Variants in INPPL1 observed in about 807,000 individuals in gnomAD.
INPPL1 encodes phosphatidylinositol 3,4,5-trisphosphate 5-phosphatase 2.
INPPL1 carries 91 observed loss-of-function variants against 139.3 expected under a neutral mutation model. The ratio of observed to expected loss-of-function variants is 0.65; its 90% CI spans 0.55 to 0.78. The LOEUF is 0.78. INPPL1 is among the 30% of genes least tolerant of loss of function. The pLI, the probability that INPPL1 is intolerant of heterozygous loss-of-function variation, is 0.00. For synonymous variants in INPPL1, 719 were observed against 686.6 expected, an observed-to-expected ratio of 1.05 and a Z score of -0.74; for missense variants, 1,411 against 1,665.6, an observed-to-expected ratio of 0.85 and a Z score of 2.66.
chr11:72,234,763 G>A lies in INPPL1; in HGVS notation c.2415+148G>A, dbSNP rs1948938152. The A allele has an allele frequency of 4.8e-6, 3 of 625,220 alleles. No individual in the cohort carries two copies. Among genetic ancestry groups the A allele is most frequent in the Admixed American group, 2.8e-5 (1 of 35,094 alleles). 38.7% of individuals were successfully genotyped at this position (625,220 alleles called of 1,614,324 possible). The stretch of plus-strand genomic sequence containing the variant: ...TGTGTGTGTGTGTGTGTGTGTGTGT[G>A]TATGGGCATGGGCATGAGTGAGGAT... On this transcript the variant is annotated intron_variant, in intron 21 of 27. Coordinates refer to ENST00000298229, the MANE Select transcript of INPPL1 (RefSeq NM_001567.4). This position sits in a 1 kb window ranked among gnomAD's most constrained non-coding sequence, Gnocchi z 4.2.
chr11:72,227,153 A>G (rs1253119483), intron 1 of INPPL1, among the ~76,000 whole-genome samples: 6 of 152,202 alleles, frequency 3.9e-5, no homozygotes, highest in Admixed American at 2.0e-4. Flanking sequence ...GGCACAGGCA[A>G]TCTGACCAGC....
chr11:72,229,633 A>G (rs1162404023), intron 6 of INPPL1, 30 bp from the exon 7 acceptor site: 3 of 1,612,780 alleles, frequency 1.9e-6, no homozygotes, highest in Non-Finnish European at 2.5e-6. Flanking sequence ...TAGGTGACTC[A>G]TGTACAAGCC....
Position 72,231,183 on chromosome 11 carries a change from C to T in INPPL1, c.1491C>T (p.Tyr497=). The change falls in exon 12 of 28, where the codon TAC becomes TAT. Residue 497 remains tyrosine (Y), a synonymous_variant. Transcript: ENST00000298229. The part of the protein sequence containing the change: ...GGLKELTDLD[Y]RPIAMQSLWN... ...TCAAGGAGCTTACGGATCTGGATTA[C>T]CGCCCGGTGAGGGGGGGTCATCTTG... 6.2e-7 allele frequency: 1 copy of T among 1,610,944 alleles called. No individual in the cohort carries two copies. The highest frequency in any genetic ancestry group is 8.5e-7 in the Non-Finnish European group (1 of 1,179,322).
chr11:72,233,125 C>T lies in INPPL1; in HGVS notation c.2002C>T (p.Arg668Trp), dbSNP rs148045527. The T allele has an allele frequency of 1.2e-5, 19 of 1,613,882 alleles. No individual in the cohort carries two copies. Among genetic ancestry groups the T allele is most frequent in the Admixed American group, 5.0e-5 (3 of 59,980 alleles). The change falls in exon 17 of 28, where the codon CGG (arginine) becomes TGG (tryptophan). Residue 668 changes from arginine to tryptophan, a missense_variant. Coordinates refer to ENST00000298229, the MANE Select transcript of INPPL1 (RefSeq NM_001567.4). ...PPTYRYERGSRDTYAWHKQKP... is the reference protein window; with the variant it reads ...PPTYRYERGSWDTYAWHKQKP... Reference sequence around the variant, plus strand: ...CACCTACCGCTATGAGCGGGGTTCCCGGGACACATATGCCTGGCACAAGCA... The same window carrying T: ...CACCTACCGCTATGAGCGGGGTTCCTGGGACACATATGCCTGGCACAAGCA...
At chr11:72,227,010 T>C (rs1264152559) in intron 1 of INPPL1, among the ~76,000 whole-genome samples, 1 of 152,086 alleles carries the variant, frequency 6.6e-6, no homozygotes, top group South Asian at 2.1e-4. Context: ...CTCAAGAGCC[T>C]GGGGGTAAGG....
rs746849326 is a variant in INPPL1 at position 72,228,828 on chromosome 11, A to C, written c.499A>C (p.Thr167Pro). ...SSPLPAPETP[T>P]APAAESAPNG... ...TCCCCTGCCAGCTCCTGAGACTCCCACAGCTCCAGCTGCTGAGAGGTGAGA... is the reference window on the plus strand; with the variant it reads ...TCCCCTGCCAGCTCCTGAGACTCCCCCAGCTCCAGCTGCTGAGAGGTGAGA... Residue 167 changes from threonine (T) to proline (P), a missense_variant, in exon 4 of 28, where the codon ACA (threonine) becomes CCA (proline). Thr to Pro is a conservative substitution (Grantham distance 38, BLOSUM62 -1). Transcript: ENST00000298229. This position sits in a 1 kb window ranked among gnomAD's most constrained non-coding sequence, Gnocchi z 5.0. 6.2e-7 allele frequency: 1 copy of C among 1,610,710 alleles called. No individual in the cohort carries two copies. Among genetic ancestry groups the C allele is most frequent in the Admixed American group, 1.7e-5 (1 of 59,482 alleles).
chr11:72,234,449 G>T lies in INPPL1; in HGVS notation c.2326+55G>T. 1 of 1,590,868 alleles carries T rather than the reference G, an allele frequency of 6.3e-7. No individual in the cohort carries two copies. The highest frequency in any genetic ancestry group is 8.6e-7 in the Non-Finnish European group (1 of 1,158,976). On this transcript the variant is annotated intron_variant, in intron 20 of 27. Transcript: ENST00000298229. This position sits in a 1 kb window ranked among gnomAD's most constrained non-coding sequence, Gnocchi z 4.2. ...GCCAAGGAGGATGGGAGGCAAGAGG[G>T]TGCAGTCAGCCCCCTACTTAGGGGG...
At position 72,224,870 on chromosome 11, in the gene INPPL1, G is replaced by C; in HGVS notation, c.-115G>C. On this transcript the variant is annotated 5_prime_UTR_variant, in exon 1 of 28. Transcript: ENST00000298229. ...TGAGTCCCGATCCCCGGCTCTGTCC[G>C]GCCCACGGATCCTCAAGCCCGGGCC... 1.4e-6 allele frequency: 1 copy of C among 713,722 alleles called. No homozygotes were observed. The highest frequency in any genetic ancestry group is 1.7e-6 in the Non-Finnish European group (1 of 573,438). 44.2% of individuals were successfully genotyped at this position (713,722 alleles called of 1,614,324 possible). A position where few individuals can be genotyped will look rare whatever the true frequency, so the allele number is the denominator to read the frequency against.
chr11:72,238,231 C>T, intron 27 of INPPL1, 32 bp from the exon 28 acceptor site: 2 of 1,613,654 alleles, frequency 1.2e-6, no homozygotes, highest in Non-Finnish European at 1.7e-6. Flanking sequence ...TCCCCTTGCC[C>T]ATCTCACTTC....
chr11:72,236,018 TC>T, intron 25 of INPPL1, 32 bp downstream of exon 25: 1 of 1,220,804 alleles, frequency 8.2e-7, no homozygotes, highest in Non-Finnish European at 1.2e-6. Flanking sequence ...CGCCCCCCCT[TC>T]CCCCACCCAC....
rs759953630 is a variant in INPPL1, at chr11:72,231,106, C to A, written c.1414C>A (p.Gln472Lys). Reference sequence around the variant, plus strand: ...CCATGACATCTATGTCTTTGGGACCCAGGAGAACTCAGTGGGCGACCGCGA... The same window carrying A: ...CCATGACATCTATGTCTTTGGGACCAAGGAGAACTCAGTGGGCGACCGCGA... ...IPHDIYVFGTQENSVGDREWL... is the reference protein window; with the variant it reads ...IPHDIYVFGTKENSVGDREWL... The change falls in exon 12 of 28, where the codon CAG becomes AAG. Residue 472 changes from glutamine (Q) to lysine (K), a missense_variant. Physicochemically the swap from Gln to Lys is moderately conservative, Grantham distance 53 (BLOSUM62 1). Coordinates refer to ENST00000298229, the MANE Select transcript of INPPL1 (RefSeq NM_001567.4). The A allele has an allele frequency of 6.2e-7, 1 of 1,613,982 alleles. No homozygotes were observed. Among genetic ancestry groups the A allele is most frequent in the South Asian group, 1.1e-5 (1 of 91,074 alleles).
upstream of INPPL1, among the ~76,000 whole-genome samples, chr11:72,224,434 C>T (rs1412815833): frequency 6.6e-6 from 1 of 150,578 alleles, no homozygotes; most frequent in African/African-American, 2.5e-5. Context: ...GGAATCAGAC[C>T]TTTATGGGGC....
At position 72,237,293 on chromosome 11, in the gene INPPL1, G is replaced by A. The variant is rs778573534; in HGVS notation, c.3049G>A (p.Val1017Met). The change falls in exon 26 of 28, where the codon GTG (valine) becomes ATG (methionine). Residue 1017 changes from valine to methionine, a missense_variant. This residue lies in a region of INPPL1 where 438 missense variants were observed against 425.7 expected (regional missense o/e 1.03). Transcript: ENST00000298229. ...APVPSATKNK[V>M]AITVPAPQLG... Reference sequence around the variant, plus strand: ...TGTCCCATCTGCCACCAAGAACAAAGTGGCCATTACAGTGCCTGCTCCACA... The same window carrying A: ...TGTCCCATCTGCCACCAAGAACAAAATGGCCATTACAGTGCCTGCTCCACA... The A allele has an allele frequency of 6.2e-7, 1 of 1,613,990 alleles. No individual in the cohort carries two copies. Among genetic ancestry groups the A allele is most frequent in the South Asian group, 1.1e-5 (1 of 91,078 alleles).
At position 72,238,968 on chromosome 11, in the gene INPPL1, T is replaced by G. The variant is rs70940824; in HGVS notation, c.*615T>G. ...TGTCTCCTGGTCTGTGCTGCCCTGC[T>G]CTGGGGATGCACGGCGGCAGGGTGG... On this transcript the variant is annotated 3_prime_UTR_variant, in exon 28 of 28. Coordinates refer to ENST00000298229, the MANE Select transcript of INPPL1 (RefSeq NM_001567.4). 0.12 allele frequency: 17,648 copies of G among 152,334 alleles called. 1,329 individuals are homozygous for G. Among genetic ancestry groups the G allele is most frequent in the African/African-American group, 0.21 (8,672 of 41,344 alleles). 9.4% of individuals were successfully genotyped at this position (152,334 alleles called of 1,614,324 possible).
Position 72,238,422 on chromosome 11 carries a change from G to C in INPPL1, c.*69G>C. 1 of 1,374,106 alleles carries C rather than the reference G, an allele frequency of 7.3e-7. No homozygotes were observed. Among genetic ancestry groups the C allele is most frequent in the Non-Finnish European group, 9.8e-7 (1 of 1,020,820 alleles). The allele number at this position is 1,374,106 out of a possible 1,614,324, so 85.1% of individuals were successfully genotyped here. On this transcript the variant is annotated 3_prime_UTR_variant, in exon 28 of 28. Transcript: ENST00000298229. The stretch of plus-strand genomic sequence containing the variant: ...CTACCAAGGCCCAGCTATGGCCCCA[G>C]GGTTGAAAAGTTATGAGGGTCAGGG...
rs750742163 is a variant in INPPL1 at position 72,237,996 on chromosome 11, T to C, written c.3553-46T>C. The C allele has an allele frequency of 7.3e-6, 11 of 1,508,634 alleles. No individual in the cohort carries two copies. The East Asian group carries it at 2.1e-4, about 28-fold the overall frequency. The allele number at this position is 1,508,634 out of a possible 1,614,324, so 93.5% of individuals were successfully genotyped here. A position where few individuals can be genotyped will look rare whatever the true frequency, so the allele number is the denominator to read the frequency against. On this transcript the variant is annotated intron_variant, in intron 26 of 27. Coordinates refer to ENST00000298229, the MANE Select transcript of INPPL1 (RefSeq NM_001567.4). Reference sequence around the variant, plus strand: ...GCAGCAGAATGTGACTGCAGGTGTTTCTATGGGGGGCACTCAGCTCCCCCT... The same window carrying C: ...GCAGCAGAATGTGACTGCAGGTGTTCCTATGGGGGGCACTCAGCTCCCCCT...
chr11:72,228,353 G>A lies in INPPL1; in HGVS notation c.252G>A (p.Ser84=), dbSNP rs531123246. The part of the protein sequence containing the change: ...DGEDFLAVQT[S]QGVPVRRFQT... ...CCACCCTTGCTGGCCCACAGACCTCGCAGGGTGTGCCTGTGCGCCGCTTCC... is the reference window on the plus strand; with the variant it reads ...CCACCCTTGCTGGCCCACAGACCTCACAGGGTGTGCCTGTGCGCCGCTTCC... Residue 84 remains serine (S), a synonymous_variant, in exon 3 of 28, where the codon TCG becomes TCA. Coordinates refer to ENST00000298229, the MANE Select transcript of INPPL1 (RefSeq NM_001567.4). This position sits in a 1 kb window ranked among gnomAD's most constrained non-coding sequence, Gnocchi z 5.0. The A allele has an allele frequency of 3.7e-5, 59 of 1,613,574 alleles. No homozygotes were observed. The highest frequency in any genetic ancestry group is 4.4e-5 in the South Asian group (4 of 91,080).
In INPPL1 at chr11:72,234,220, T is replaced by C; in HGVS notation, c.2213-61T>C. ...TTCCTGTCCCAGGGCCCTGTTTCTCTGTCCCATTCCTCCTGTGATCCTCTC... is the reference window on the plus strand; with the variant it reads ...TTCCTGTCCCAGGGCCCTGTTTCTCCGTCCCATTCCTCCTGTGATCCTCTC... On this transcript the variant is annotated intron_variant, in intron 19 of 27. Transcript: ENST00000298229. This position sits in a 1 kb window ranked among gnomAD's most constrained non-coding sequence, Gnocchi z 4.2. 7.6e-7 allele frequency: 1 copy of C among 1,313,690 alleles called. No homozygotes were observed. Among genetic ancestry groups the C allele is most frequent in the Non-Finnish European group, 1.1e-6 (1 of 908,870 alleles). The allele number at this position is 1,313,690 out of a possible 1,614,324, so 81.4% of individuals were successfully genotyped here. A position where few individuals can be genotyped will look rare whatever the true frequency, so the allele number is the denominator to read the frequency against.
At chr11:72,229,891 C>A in intron 7 of INPPL1, 33 bp from the exon 8 acceptor site, 1 of 1,602,396 alleles carries the variant, frequency 6.2e-7, no homozygotes, top group Non-Finnish European at 8.5e-7. Context: ...TTCAGTGTGT[C>A]CCCTGACCCC....
Sources: gnomAD v4.1 joint callset for allele counts (sites outside exome capture counted in the v4.1 genomes callset) on GRCh38, gnomAD v4.1.1 for gene constraint, gnomAD v4.1.1 regional missense constraint, Gnocchi (gnomAD v3.1) non-coding constraint, MANE v1.5 for transcripts, NCBI Gene and HGNC (gene_info 2026-07-23, HGNC 2026-07-21) for gene names.